Variants in TMEM44 observed in about 807,000 individuals in gnomAD.
The protein encoded by TMEM44 is transmembrane protein 44.
TMEM44 carries 43 observed loss-of-function variants against 47.8 expected under a neutral mutation model. That is an observed-to-expected ratio of 0.90 (90% CI 0.70 to 1.16). The LOEUF (loss-of-function observed/expected upper bound fraction) is 1.16, where lower values mean the gene tolerates loss of function less well. Among genes scored for constraint, TMEM44 ranks in the 50% most tolerant of loss-of-function variants. The pLI, the probability that TMEM44 is intolerant of heterozygous loss-of-function variation, is 0.00. For missense variants in TMEM44, 568 were observed against 555.2 expected (o/e 1.02, Z -0.23); for synonymous variants, 277 against 238.8 (o/e 1.16, Z -1.48).
chr3:194,626,789 T>C (rs955854094), intron 2 of TMEM44, among the ~76,000 whole-genome samples: 73 of 150,410 alleles, frequency 4.9e-4, no homozygotes, highest in Non-Finnish European at 9.8e-4. Flanking sequence ...GTTCACGCCA[T>C]TCTCCTGCCT....
At position 194,633,142 on chromosome 3, in the gene TMEM44, C is replaced by G. The variant is rs1426360369; in HGVS notation, c.74G>C (p.Arg25Pro). Residue 25 changes from arginine (R) to proline (P), a missense_variant, in exon 1 of 10, where the codon CGC (arginine) becomes CCC (proline). By Grantham distance (103) the Arg-to-Pro change is moderately radical (BLOSUM62 -2). Coordinates refer to ENST00000347147, the MANE Select transcript of TMEM44 (RefSeq NM_001011655.3). ...DYLDRCFARH[R>P]VCISFGLWIC... ...CCACAGGCCGAAGGAGATGCAGACG[C>G]GGTGGCGGGCGAAGCAGCGGTCCAG... The G allele has an allele frequency of 6.4e-7, 1 of 1,550,740 alleles. No homozygotes were observed. The highest frequency in any genetic ancestry group is 1.2e-5 in the South Asian group (1 of 84,102).
At position 194,622,240 on chromosome 3, in the gene TMEM44, A is replaced by G. The variant is rs549579441; in HGVS notation, c.612+984T>C. ...GCCTTTCCCTAGCCTGTGTCCTCAA[A>G]TTCACGCTCCCTTCTGAGGTAACGT... On this transcript the variant is annotated intron_variant, in intron 5 of 9. Coordinates refer to ENST00000347147, the MANE Select transcript of TMEM44 (RefSeq NM_001011655.3). Among the ~76,000 whole-genome samples, 14 of 152,256 alleles carry G rather than the reference A, an allele frequency of 9.2e-5. No individual in the cohort carries two copies. In the South Asian group the frequency reaches 2.9e-3, roughly 32 times the overall value.
At chr3:194,612,431 G>A (rs1462858028) in intron 7 of TMEM44, among the ~76,000 whole-genome samples, 1 of 152,044 alleles carries the variant, frequency 6.6e-6, no homozygotes, top group East Asian at 1.9e-4. Context: ...GGACTCAGTC[G>A]GATCACATGG....
At chr3:194,606,439 A>C (rs1245392209) in intron 8 of TMEM44, among the ~76,000 whole-genome samples, 1 of 152,134 alleles carries the variant, frequency 6.6e-6, no homozygotes, top group African/African-American at 2.4e-5. Context: ...TTCACATTAC[A>C]ACAGTGTTTA....
At chr3:194,630,179 T>C (rs1181873968) in intron 1 of TMEM44, among the ~76,000 whole-genome samples, 1 of 73,788 alleles carries the variant, frequency 1.4e-5, no homozygotes, top group African/African-American at 5.2e-5. Flanking sequence ...GCTGTTTCCA[T>C]CGGCGTCACT....
At chr3:194,605,987 A>G (rs1453489356) in intron 8 of TMEM44, among the ~76,000 whole-genome samples, 1 of 152,224 alleles carries the variant, frequency 6.6e-6, no homozygotes, top group Non-Finnish European at 1.5e-5. Context: ...TTCTGGAAGC[A>G]GGAACACAGG....
chr3:194,598,475 C>T (rs1295718548), intron 9 of TMEM44, among the ~76,000 whole-genome samples: 1 of 152,114 alleles, frequency 6.6e-6, no homozygotes, highest in East Asian at 1.9e-4. Flanking sequence ...GGGTTCAAAC[C>T]CCAGCCCTGC....
chr3:194,589,178 T>G (rs529561801), intron 9 of TMEM44: 1 of 154,428 alleles, frequency 6.5e-6, no homozygotes, highest in Non-Finnish European at 1.4e-5. Context: ...TTTTTAATTT[T>G]TAGTAGAGAT....
intron 2 of TMEM44, among the ~76,000 whole-genome samples, chr3:194,626,827 G>C (rs1035179956): frequency 6.6e-6 from 1 of 151,858 alleles, no homozygotes; most frequent in Non-Finnish European, 1.5e-5. Context: ...GGGACTTCAG[G>C]CGCCTGCCAC....
chr3:194,628,290 A>G, intron 2 of TMEM44, 93 bp downstream of exon 2: 4 of 1,486,968 alleles, frequency 2.7e-6, no homozygotes, highest in Non-Finnish European at 3.6e-6. Flanking sequence ...TGTTGCAGCA[A>G]CAAGACAAAA....
chr3:194,603,058 T>C (rs1714333609), intron 9 of TMEM44, among the ~76,000 whole-genome samples: 2 of 152,180 alleles, frequency 1.3e-5, no homozygotes, highest in South Asian at 2.1e-4. Context: ...CAGCTGGCAA[T>C]TGTCTACTGA....
At chr3:194,609,848 C>T (rs866380755) in intron 8 of TMEM44, among the ~76,000 whole-genome samples, 18 of 152,146 alleles carry the variant, frequency 1.2e-4, no homozygotes, top group South Asian at 2.1e-4. Context: ...CCCAGGCCAC[C>T]CGCAACAACT....
At chr3:194,604,212 G>A in intron 9 of TMEM44, 75 bp downstream of exon 9, 3 of 1,519,502 alleles carry the variant, frequency 2.0e-6, no homozygotes, top group Non-Finnish European at 1.8e-6. Flanking sequence ...AGCTGCACAA[G>A]CCCCAAGGAG....
intron 8 of TMEM44, among the ~76,000 whole-genome samples, chr3:194,606,656 C>T (rs764066383): frequency 4.6e-5 from 7 of 152,064 alleles, no homozygotes; most frequent in African/African-American, 7.2e-5. Context: ...ATAATAGATA[C>T]AGGCCAGGCA....
At position 194,633,198 on chromosome 3, in the gene TMEM44, G is replaced by T; in HGVS notation, c.18C>A (p.Ser6Arg). The change falls in exon 1 of 10, where the codon AGC becomes AGA. Residue 6 changes from serine to arginine, a missense_variant. Ser to Arg is a moderately radical substitution (Grantham distance 110). Transcript: ENST00000347147. ...CCCAGTCCCAGAGCGCGGGCGCGGG[G>T]CTGGGCGCCTCCCCCATGGCGCGGC... MGEAP[S>R]PAPALWDWDY... The T allele has an allele frequency of 6.7e-7, 1 of 1,497,112 alleles. No homozygotes were observed. Among genetic ancestry groups the T allele is most frequent in the Non-Finnish European group, 8.9e-7 (1 of 1,122,784 alleles). 92.7% of individuals were successfully genotyped at this position (1,497,112 alleles called of 1,614,324 possible). A position where few individuals can be genotyped will look rare whatever the true frequency, so the allele number is the denominator to read the frequency against.
intron 5 of TMEM44, among the ~76,000 whole-genome samples, chr3:194,621,678 C>T (rs1716551230): frequency 6.6e-6 from 1 of 152,144 alleles, no homozygotes; most frequent in Admixed American, 6.5e-5. Flanking sequence ...ATCCTGTTCC[C>T]CTGGAGCTGC....
At position 194,633,204 on chromosome 3, in the gene TMEM44, C is replaced by G; in HGVS notation, c.12G>C (p.Ala4=). 6.7e-7 allele frequency: 1 copy of G among 1,484,352 alleles called. No homozygotes were observed. Among genetic ancestry groups the G allele is most frequent in the Non-Finnish European group, 9.0e-7 (1 of 1,116,158 alleles). 91.9% of individuals were successfully genotyped at this position (1,484,352 alleles called of 1,614,324 possible). Residue 4 remains alanine (A), a synonymous_variant, in exon 1 of 10, where the codon GCG becomes GCC. Coordinates refer to ENST00000347147, the MANE Select transcript of TMEM44 (RefSeq NM_001011655.3). The part of the protein sequence containing the change: MGE[A]PSPAPALWDW... ...CCCAGAGCGCGGGCGCGGGGCTGGG[C>G]GCCTCCCCCATGGCGCGGCTGGGCG...
intron 3 of TMEM44, among the ~76,000 whole-genome samples, chr3:194,624,674 C>T (rs1473528185): frequency 2.6e-5 from 4 of 151,882 alleles, no homozygotes; most frequent in African/African-American, 9.7e-5. Context: ...CCAACTCAGC[C>T]TCCCGAAGTG....
rs574442283 is a variant in TMEM44, at chr3:194,611,600, C to T, written c.913-580G>A. ...AACCGGGAAGTGGATCGTTTAAACGCGCCCCAGATGATTCTAACGTGCGGC... is the reference window on the plus strand; with the variant it reads ...AACCGGGAAGTGGATCGTTTAAACGTGCCCCAGATGATTCTAACGTGCGGC... On this transcript the variant is annotated intron_variant, in intron 7 of 9. Coordinates refer to ENST00000347147, the MANE Select transcript of TMEM44 (RefSeq NM_001011655.3). The surrounding 1 kb of genome is among the most constrained non-coding windows in gnomAD (Gnocchi z 4.2). Among the ~76,000 whole-genome samples the T allele has an allele frequency of 6.6e-5, 10 of 152,312 alleles. No homozygotes were observed. Among genetic ancestry groups the T allele is most frequent in the African/African-American group, 1.4e-4 (6 of 41,570 alleles).
Sources: allele counts gnomAD v4.1 joint callset (sites outside exome capture counted in the v4.1 genomes callset), GRCh38; gene constraint gnomAD v4.1.1; non-coding constraint Gnocchi (gnomAD v3.1); transcripts MANE v1.5; gene names NCBI Gene and HGNC (gene_info 2026-07-23, HGNC 2026-07-21).